Variants in SGSM2 observed in about 807,000 individuals in gnomAD.
SGSM2 encodes the protein RUN and TBC1 domain containing 1.
Under a neutral mutation model 126.6 loss-of-function variants are expected in SGSM2, and 89 were observed. That is an observed-to-expected ratio of 0.70 (90% CI 0.59 to 0.84). The LOEUF (loss-of-function observed/expected upper bound fraction) is 0.84, where lower values mean the gene tolerates loss of function less well. Ranked by LOEUF, SGSM2 falls within the 40% of genes least tolerant of loss-of-function variation. The pLI is 0.00. For synonymous variants in SGSM2, 614 were observed against 574.3 expected, an observed-to-expected ratio of 1.07 and a Z score of -0.99; for missense variants, 1,404 against 1,416.6, an observed-to-expected ratio of 0.99 and a Z score of 0.14.
At chr17:2,376,375 G>C (rs977974771) in intron 19 of SGSM2, 114 bp downstream of exon 19, 1 of 1,404,074 alleles carries the variant, frequency 7.1e-7, no homozygotes, top group Non-Finnish European at 9.7e-7. Flanking sequence ...AATCACACTT[G>C]GCTCCCCCTG....
chr17:2,377,941 G>T lies in SGSM2; in HGVS notation c.2887G>T (p.Asp963Tyr). The change falls in exon 22 of 24, where the codon GAT (aspartate) becomes TAT (tyrosine). Residue 963 changes from aspartate (D) to tyrosine (Y), a missense_variant. Transcript: ENST00000268989. ...FYFCYRWFLL[D>Y]FKRELLYEDV... ...CTTCTGTTATCGCTGGTTCCTGCTG[G>T]ATTTTAAGAGAGGTAAGAAGTGGGT... 6.2e-7 allele frequency: 1 copy of T among 1,608,454 alleles called. No homozygotes were observed.
At chr17:2,377,662 G>A (rs546723651) in intron 21 of SGSM2, 195 bp from the exon 22 acceptor site, 21 of 481,966 alleles carry the variant, frequency 4.4e-5, no homozygotes, top group Admixed American at 4.0e-4. Context: ...GTGATGGGAG[G>A]GGCAGCAGGA....
At chr17:2,352,102 C>A (rs572883153) in intron 2 of SGSM2, among the ~76,000 whole-genome samples, 1 of 152,354 alleles carries the variant, frequency 6.6e-6, no homozygotes, top group South Asian at 2.1e-4. Flanking sequence ...AGATGAAACA[C>A]TGGCTCCTTC....
rs1031983880 is a variant in SGSM2, at chr17:2,363,141, G to GC, written c.672+12dup. On this transcript the variant is annotated splice_region_variant and intron_variant, in intron 6 of 23. Coordinates refer to ENST00000268989, the MANE Select transcript of SGSM2 (RefSeq NM_014853.3). The surrounding 1 kb of genome is among the most constrained non-coding windows in gnomAD (Gnocchi z 4.2). ...AAAGCGCCCAGCCCTGGGGGTAGGT[G>GC]CCCCCTCCCCACCCTTTGGGCTCAT... 4 of 1,591,210 alleles carry GC rather than the reference G, an allele frequency of 2.5e-6. No homozygotes were observed. Among genetic ancestry groups the GC allele is most frequent in the Non-Finnish European group, 3.4e-6 (4 of 1,171,092 alleles).
rs898201392 is a variant in SGSM2 at position 2,367,305 on chromosome 17, C to T, written c.1323C>T (p.Arg441=). 35 of 1,613,982 alleles carry T rather than the reference C, an allele frequency of 2.2e-5. No individual in the cohort carries two copies. The highest frequency in any genetic ancestry group is 1.6e-4 in the Middle Eastern group (1 of 6,084). Residue 441 remains arginine, a synonymous_variant, in exon 12 of 24, where the codon CGC becomes CGT. Transcript: ENST00000268989. This position sits in a 1 kb window ranked among gnomAD's most constrained non-coding sequence, Gnocchi z 4.0. ...TINYHHLAAS[R]AASVDDDEEE... is the part of the protein sequence containing the mutation. ...ACTACCACCACCTAGCGGCCAGCCG[C>T]GCGGCCTCGGTGGACGATGATGAGG...
chr17:2,372,154 G>A lies in SGSM2; in HGVS notation c.1578-36G>A, dbSNP rs750866880. The A allele has an allele frequency of 8.1e-6, 13 of 1,611,212 alleles. No individual in the cohort carries two copies. The highest frequency in any genetic ancestry group is 4.5e-5 in the East Asian group (2 of 44,862). On this transcript the variant is annotated intron_variant, in intron 13 of 23. Coordinates refer to ENST00000268989, the MANE Select transcript of SGSM2 (RefSeq NM_014853.3). The surrounding 1 kb of genome is among the most constrained non-coding windows in gnomAD (Gnocchi z 6.0). ...TCTCTCTCCTCCCACCAGAGGGGCC[G>A]CAGCCCCTCCCTGCTGAGCCCGGTT...
intron 16 of SGSM2, 116 bp downstream of exon 16, chr17:2,373,197 C>T (rs927287474): frequency 1.3e-6 from 2 of 1,542,984 alleles, no homozygotes; most frequent in Admixed American, 1.8e-5. Flanking sequence ...CATGGCAGGG[C>T]AGCTCCACCG....
Position 2,379,809 on chromosome 17 carries a change from TG to T in SGSM2, c.*290del. 1 of 1,329,890 alleles carries T rather than the reference TG, an allele frequency of 7.5e-7. No homozygotes were observed. Among genetic ancestry groups the T allele is most frequent in the Non-Finnish European group, 9.7e-7 (1 of 1,035,760 alleles). 82.4% of individuals were successfully genotyped at this position (1,329,890 alleles called of 1,614,324 possible). ...CTCACACATCTGGGAGTAGCCCCAC[TG>T]CCACCTGCAGCCGCAGCCTGGACTG... On this transcript the variant is annotated 3_prime_UTR_variant, in exon 24 of 24. Transcript: ENST00000268989.
rs143622489 is a variant in SGSM2, at chr17:2,375,786, G to C, written c.2395G>C (p.Glu799Gln). 60 of 1,581,636 alleles carry C rather than the reference G, an allele frequency of 3.8e-5. No individual in the cohort carries two copies. The highest frequency in any genetic ancestry group is 7.1e-5 in the Admixed American group (4 of 56,656). ...CGGCCCTGCAGCTCACACTTTGAGG[G>C]AGCCCCAGGATCCCAGCCAGGAGAA... ...GPGPAAHTLR[E>Q]PQDPSQEKPQ... Residue 799 changes from glutamate to glutamine, a missense_variant, in exon 18 of 24, where the codon GAG becomes CAG. Coordinates refer to ENST00000268989, the MANE Select transcript of SGSM2 (RefSeq NM_014853.3).
At chr17:2,365,393 G>A in intron 11 of SGSM2, 52 bp downstream of exon 11, 1 of 1,483,788 alleles carries the variant, frequency 6.7e-7, no homozygotes, top group Non-Finnish European at 9.0e-7. Flanking sequence ...GCTCTGGGAG[G>A]CGGGGAGCGC....
chr17:2,376,385 G>A, intron 19 of SGSM2, 124 bp downstream of exon 19: 6 of 1,300,778 alleles, frequency 4.6e-6, no homozygotes, highest in Non-Finnish European at 6.3e-6. Flanking sequence ...GGCTCCCCCT[G>A]CCTGGAACGC....
At position 2,364,795 on chromosome 17, in the gene SGSM2, G is replaced by A. The variant is rs147670932; in HGVS notation, c.1001-102G>A. The A allele has an allele frequency of 2.8e-4, 445 of 1,566,218 alleles. 2 individuals are homozygous for A. The African/African-American group carries it at 5.3e-3, about 19-fold the overall frequency. On this transcript the variant is annotated intron_variant, in intron 9 of 23. Transcript: ENST00000268989. ...GTTAATGGGGCTCCCAGGCCATGCT[G>A]TAGCCCAGCCATCTGCCTCCTACCC...
At chr17:2,339,831 A>G (rs1434862050) in intron 1 of SGSM2, among the ~76,000 whole-genome samples, 2 of 151,978 alleles carry the variant, frequency 1.3e-5, no homozygotes, top group African/African-American at 4.8e-5. Context: ...AGTTGAAGCC[A>G]TCAGCTTTCC....
chr17:2,343,566 G>A lies in SGSM2; in HGVS notation c.79G>A (p.Ala27Thr). 6.2e-7 allele frequency: 1 copy of A among 1,614,184 alleles called. No individual in the cohort carries two copies. Among genetic ancestry groups the A allele is most frequent in the Non-Finnish European group, 8.5e-7 (1 of 1,180,024 alleles). Reference sequence around the variant, plus strand: ...GCAGGTGAAGCAAATCATGGAGGAGGCTGTCACCAGGAAGTTTGTGCATGA... The same window carrying A: ...GCAGGTGAAGCAAATCATGGAGGAGACTGTCACCAGGAAGTTTGTGCATGA... ...KKEVKQIMEEAVTRKFVHEDS... is the reference protein window; with the variant it reads ...KKEVKQIMEETVTRKFVHEDS... The change falls in exon 2 of 24, where the codon GCT (alanine) becomes ACT (threonine). Residue 27 changes from alanine to threonine, a missense_variant. Coordinates refer to ENST00000268989, the MANE Select transcript of SGSM2 (RefSeq NM_014853.3).
chr17:2,362,750 C>G lies in SGSM2; in HGVS notation c.459-88C>G. The G allele has an allele frequency of 7.5e-7, 1 of 1,325,352 alleles. No homozygotes were observed. Among genetic ancestry groups the G allele is most frequent in the Non-Finnish European group, 1.1e-6 (1 of 929,722 alleles). 82.1% of individuals were successfully genotyped at this position (1,325,352 alleles called of 1,614,324 possible). ...TCTTGATGACTGATCTGAATCTGGT[C>G]TTTGTGGGGATGTCCCTACCTGGTG... On this transcript the variant is annotated intron_variant, in intron 4 of 23. Coordinates refer to ENST00000268989, the MANE Select transcript of SGSM2 (RefSeq NM_014853.3). This position sits in a 1 kb window ranked among gnomAD's most constrained non-coding sequence, Gnocchi z 4.9.
Position 2,363,812 on chromosome 17 carries a change from AGT to A in SGSM2, c.807+217_807+218del. ...CAGCCAGCAGGCGAGGGGAGTCCGC[AGT>A]GTGGGTATGGCTGGCCTGGAATGGA... On this transcript the variant is annotated intron_variant, in intron 7 of 23. Coordinates refer to ENST00000268989, the MANE Select transcript of SGSM2 (RefSeq NM_014853.3). This position sits in a 1 kb window ranked among gnomAD's most constrained non-coding sequence, Gnocchi z 4.2. 1 of 828,962 alleles carries A rather than the reference AGT, an allele frequency of 1.2e-6. No homozygotes were observed. Among genetic ancestry groups the A allele is most frequent in the East Asian group, 2.7e-5 (1 of 37,330 alleles). 51.4% of individuals were successfully genotyped at this position (828,962 alleles called of 1,614,324 possible).
chr17:2,361,906 T>G (rs2065325812), intron 3 of SGSM2, 107 bp downstream of exon 3: 3 of 1,405,238 alleles, frequency 2.1e-6, no homozygotes, highest in Admixed American at 4.4e-5. Flanking sequence ...GCCTGTTCCT[T>G]GCAGGGCCTC....
intron 18 of SGSM2, 33 bp downstream of exon 18, chr17:2,375,908 G>A (rs376342624): frequency 8.6e-6 from 13 of 1,507,410 alleles, no homozygotes; most frequent in East Asian, 4.5e-5. Flanking sequence ...GTTCCCAGCC[G>A]CCCCAGAGGC....
chr17:2,370,241 G>A (rs1021989446), intron 12 of SGSM2, among the ~76,000 whole-genome samples: 4 of 152,144 alleles, frequency 2.6e-5, no homozygotes, highest in African/African-American at 7.2e-5. Flanking sequence ...CCTCCCTCCC[G>A]GCATCACCCC....
Sources: allele counts gnomAD v4.1 joint callset (sites outside exome capture counted in the v4.1 genomes callset), GRCh38; gene constraint gnomAD v4.1.1; non-coding constraint Gnocchi (gnomAD v3.1); transcripts MANE v1.5; gene names NCBI Gene and HGNC (gene_info 2026-07-23, HGNC 2026-07-21).